The following SESN1 variants were observed in gnomAD, a reference collection of about 807,000 sequenced individuals.
SESN1 encodes sestrin 1, also known as sestrin-1.
In SESN1, 30 loss-of-function variants were observed where a neutral mutation model predicts 59.3. The observed-to-expected ratio is 0.51, with a 90% CI of 0.38 to 0.69. The LOEUF (loss-of-function observed/expected upper bound fraction) is 0.69. SESN1 is among the 30% of genes least tolerant of loss of function. The pLI, the probability that SESN1 is intolerant of heterozygous loss-of-function variation, is 0.00. For missense variants in SESN1, 566 were observed against 673.0 expected, an observed-to-expected ratio of 0.84 and a Z score of 1.76; for synonymous variants, 197 against 219.9, an observed-to-expected ratio of 0.90 and a Z score of 0.92.
chr6:109,000,700 A>G (rs774962744), intron 3 of SESN1, 27 bp from the exon 4 acceptor site: 4 of 1,487,960 alleles, frequency 2.7e-6, no homozygotes, highest in African/African-American at 2.9e-5. Flanking sequence ...TATTCTAATT[A>G]TAAATATTAA....
chr6:109,012,613 G>A (rs1449139210), intron 1 of SESN1, among the ~76,000 whole-genome samples: 1 of 152,174 alleles, frequency 6.6e-6, no homozygotes, highest in Non-Finnish European at 1.5e-5. Flanking sequence ...AGACACCTGA[G>A]CTACAGCTTA....
chr6:109,062,763 C>T (rs1483755438), intron 1 of SESN1, among the ~76,000 whole-genome samples: 1 of 152,090 alleles, frequency 6.6e-6, no homozygotes, highest in East Asian at 1.9e-4. Context: ...CTTATACATA[C>T]ATAGCTATGA....
chr6:109,019,946 T>A (rs1779984896), intron 1 of SESN1, among the ~76,000 whole-genome samples: 1 of 152,228 alleles, frequency 6.6e-6, no homozygotes, highest in African/African-American at 2.4e-5. Flanking sequence ...AATTTATACA[T>A]AAGTGGGTTT....
At chr6:109,063,311 C>A (rs1303871012) in intron 1 of SESN1, among the ~76,000 whole-genome samples, 4 of 151,944 alleles carry the variant, frequency 2.6e-5, no homozygotes, top group African/African-American at 7.3e-5. Flanking sequence ...GGAGGGAGCA[C>A]ACGAGAAAAG....
intron 1 of SESN1, chr6:109,008,977 C>T (rs116075884): frequency 2.0e-6 from 2 of 1,008,156 alleles, no homozygotes; most frequent in Admixed American, 1.2e-4. Flanking sequence ...GGCATATCCA[C>T]AGGCTGTTTC....
intron 1 of SESN1, among the ~76,000 whole-genome samples, chr6:109,072,960 A>C (rs1038354160): frequency 6.6e-6 from 1 of 152,192 alleles, no homozygotes; most frequent in African/African-American, 2.4e-5. Flanking sequence ...AAAATTATAA[A>C]TAGGTAAATT....
At chr6:109,058,409 T>G (rs934364004) in intron 1 of SESN1, among the ~76,000 whole-genome samples, 4 of 152,224 alleles carry the variant, frequency 2.6e-5, no homozygotes, top group African/African-American at 9.6e-5. Flanking sequence ...GGTTATACCA[T>G]ATAGCCTACG....
intron 1 of SESN1, among the ~76,000 whole-genome samples, chr6:109,052,535 G>A (rs1583288085): frequency 6.6e-6 from 1 of 152,166 alleles, no homozygotes; most frequent in African/African-American, 2.4e-5. Context: ...AGACTTCAAT[G>A]TTCACTTAAA....
intron 1 of SESN1, among the ~76,000 whole-genome samples, chr6:109,078,424 C>T (rs2114473093): frequency 6.6e-6 from 1 of 152,042 alleles, no homozygotes; most frequent in South Asian, 2.1e-4. Context: ...TCCTTTATGT[C>T]TATAATCCCT....
chr6:109,027,970 TTGATA>T (rs1399013998), intron 1 of SESN1, among the ~76,000 whole-genome samples: 1 of 152,240 alleles, frequency 6.6e-6, no homozygotes, highest in African/African-American at 2.4e-5. Flanking sequence ...TACAAGTACT[TTGATA>T]TATGTGTTAT....
intron 1 of SESN1, 53 bp from the exon 2 acceptor site, chr6:109,002,396 T>G: frequency 6.9e-7 from 1 of 1,444,498 alleles, no homozygotes; most frequent in Non-Finnish European, 9.7e-7. Flanking sequence ...CAAAATGAAC[T>G]GAGGCTAAAG....
Position 109,009,058 on chromosome 6 carries a change from T to C in SESN1, c.280-6715A>G, listed in dbSNP as rs568149064. 2,413 of 933,750 alleles carry C rather than the reference T, an allele frequency of 2.6e-3. 6 individuals carry two copies. The highest frequency in any genetic ancestry group is 3.1e-3 in the Non-Finnish European group (2,304 of 746,086). 57.8% of individuals were successfully genotyped at this position (933,750 alleles called of 1,614,324 possible). The stretch of plus-strand genomic sequence containing the variant: ...TGTCCAGACGACAATGTTATTTACG[T>C]ATTGGAGACTTTCATTTACATGACC... On this transcript the variant is annotated intron_variant, in intron 1 of 9. Coordinates refer to ENST00000436639, the MANE Select transcript of SESN1 (RefSeq NM_014454.3).
intron 7 of SESN1, 146 bp from the exon 8 acceptor site, chr6:108,990,981 C>A: frequency 1.6e-6 from 1 of 626,020 alleles, no homozygotes; most frequent in Non-Finnish European, 2.7e-6. Context: ...ACTTACACTC[C>A]AATCTTTTTT....
chr6:109,056,943 C>A (rs1211862386), intron 1 of SESN1, among the ~76,000 whole-genome samples: 1 of 152,206 alleles, frequency 6.6e-6, no homozygotes, highest in Non-Finnish European at 1.5e-5. Flanking sequence ...CTCTCCCTCC[C>A]CTGACACACA....
chr6:109,091,573 C>T (rs1429039893), intron 1 of SESN1, among the ~76,000 whole-genome samples: 2 of 152,290 alleles, frequency 1.3e-5, no homozygotes, highest in African/African-American at 4.8e-5. Flanking sequence ...TCCCTATGTC[C>T]GGAATGTCCC....
At chr6:109,014,055 G>A (rs1227750576) in intron 1 of SESN1, among the ~76,000 whole-genome samples, 2 of 150,834 alleles carry the variant, frequency 1.3e-5, no homozygotes, top group Non-Finnish European at 2.9e-5. Flanking sequence ...TCACTTTAAA[G>A]GAGCAAGAAT....
intron 1 of SESN1, among the ~76,000 whole-genome samples, chr6:109,041,708 CT>C (rs1780345930): frequency 6.6e-6 from 1 of 151,576 alleles, no homozygotes; most frequent in Non-Finnish European, 1.5e-5. Context: ...GAAGGAAAAC[CT>C]GGTAGTACGG....
rs1193796203 is a variant in SESN1 at position 108,990,551 on chromosome 6, T to C, written c.1424+94A>G. ...TTATTGGGGAGGGGATGGGTTTTGA[T>C]TATGTGTGTGTCTATGTGCATGTGC... On this transcript the variant is annotated intron_variant, in intron 8 of 9. Coordinates refer to ENST00000436639, the MANE Select transcript of SESN1 (RefSeq NM_014454.3). The C allele has an allele frequency of 3.6e-6, 4 of 1,108,690 alleles. No homozygotes were observed. The East Asian group carries it at 7.1e-5, about 20-fold the overall frequency. 68.7% of individuals were successfully genotyped at this position (1,108,690 alleles called of 1,614,324 possible).
chr6:109,011,423 T>C (rs1583271589), intron 1 of SESN1, among the ~76,000 whole-genome samples: 1 of 152,162 alleles, frequency 6.6e-6, no homozygotes, highest in South Asian at 2.1e-4. Context: ...TAGTGGTTTA[T>C]GGAGAACCTT....
Sources: allele counts gnomAD v4.1 joint callset (sites outside exome capture counted in the v4.1 genomes callset), GRCh38; gene constraint gnomAD v4.1.1; transcripts MANE v1.5; gene names NCBI Gene and HGNC (gene_info 2026-07-23, HGNC 2026-07-21).